Variants in RNF115 observed in about 807,000 individuals in gnomAD.
RNF115 encodes E3 ubiquitin-protein ligase RNF115.
A neutral mutation model predicts 39.2 loss-of-function variants in RNF115; 31 were observed. The ratio of observed to expected loss-of-function variants is 0.79; its 90% CI spans 0.59 to 1.07. The LOEUF (loss-of-function observed/expected upper bound fraction) is 1.07, where lower values mean the gene tolerates loss of function less well. RNF115 is among the 50% of genes least tolerant of loss of function. The pLI, the probability that RNF115 is intolerant of heterozygous loss-of-function variation, is 0.00. For synonymous variants in RNF115, 124 were observed against 131.0 expected (o/e 0.95, Z 0.37); for missense variants, 384 against 381.7 (o/e 1.01, Z -0.05).
chr1:145,780,424 T>C (rs1559117646), intron 3 of RNF115, among the ~76,000 whole-genome samples: 1 of 151,628 alleles, frequency 6.6e-6, no homozygotes, highest in Non-Finnish European at 1.5e-5. Flanking sequence ...ATCGAGACCA[T>C]CCTGGCTAAC....
intron 4 of RNF115, among the ~76,000 whole-genome samples, chr1:145,764,549 A>G (rs1230339406): frequency 1.4e-5 from 2 of 145,936 alleles, no homozygotes; most frequent in African/African-American, 2.6e-5. Context: ...AGAAGTGAGG[A>G]GCCCCTCCGC....
chr1:145,788,776 ACTCT>A lies in RNF115; in HGVS notation c.161+128_161+131del, dbSNP rs147795554. The stretch of plus-strand genomic sequence containing the variant: ...CTCTCTTGTGCAAGCTCATGCACTC[ACTCT>A]CTCTCTCTCACTCTCGCTCTCTCTG... On this transcript the variant is annotated intron_variant, in intron 2 of 8. Transcript: ENST00000582693. The A allele has an allele frequency of 3.4e-4, 250 of 746,010 alleles. No individual in the cohort carries two copies. In the East Asian group the frequency reaches 4.5e-3, roughly 13 times the overall value. The allele number at this position is 746,010 out of a possible 1,614,324, so 46.2% of individuals were successfully genotyped here.
Position 145,746,803 on chromosome 1 carries a change from G to T in RNF115, c.*63C>A. ...AATCCATCTACTAATTTTTTGTTTT[G>T]ATACAATTTACAGCTATGGTAAGAT... On this transcript the variant is annotated 3_prime_UTR_variant, in exon 9 of 9. Transcript: ENST00000582693. 2.0e-6 allele frequency: 3 copies of T among 1,528,460 alleles called. No individual in the cohort carries two copies. Among genetic ancestry groups the T allele is most frequent in the Admixed American group, 2.1e-5 (1 of 48,714 alleles). 94.7% of individuals were successfully genotyped at this position (1,528,460 alleles called of 1,614,324 possible).
At chr1:145,751,167 G>A (rs1553712422) in intron 6 of RNF115, among the ~76,000 whole-genome samples, 1 of 152,152 alleles carries the variant, frequency 6.6e-6, no homozygotes, top group Admixed American at 6.5e-5. Flanking sequence ...GAGCAAGAGA[G>A]ACAAAAATAC....
chr1:145,815,082 C>A (rs1649924228), intron 1 of RNF115, among the ~76,000 whole-genome samples: 1 of 152,296 alleles, frequency 6.6e-6, no homozygotes, highest in African/African-American at 2.4e-5. Flanking sequence ...TAAACGGTCA[C>A]AAAGTCTTTA....
Position 145,743,382 on chromosome 1 carries a change from G to C in RNF115, c.*3484C>G. 6.6e-6 allele frequency: 1 copy of C among 152,334 alleles called. No homozygotes were observed. The highest frequency in any genetic ancestry group is 1.9e-4 in the East Asian group (1 of 5,182). The allele number at this position is 152,334 out of a possible 1,614,324, so 9.4% of individuals were successfully genotyped here. A position where few individuals can be genotyped will look rare whatever the true frequency, so the allele number is the denominator to read the frequency against. The stretch of plus-strand genomic sequence containing the variant: ...CAGCTCTTCTAGGGTATCCAAGCTG[G>C]CCTTCAGACTGGAACTACACCATCA... On this transcript the variant is annotated 3_prime_UTR_variant, in exon 9 of 9. Transcript: ENST00000582693.
chr1:145,815,154 T>A (rs1649929393), intron 1 of RNF115, among the ~76,000 whole-genome samples: 1 of 152,306 alleles, frequency 6.6e-6, no homozygotes, highest in Admixed American at 6.5e-5. Flanking sequence ...GTATTAGAGT[T>A]ATTGCAAGTA....
chr1:145,801,478 T>C (rs184430572), intron 1 of RNF115, among the ~76,000 whole-genome samples: 16 of 152,140 alleles, frequency 1.1e-4, no homozygotes, highest in African/African-American at 3.6e-4. Context: ...GGCAGGAGAA[T>C]TGCTTGAACC....
At chr1:145,798,622 T>C (rs1410468872) in intron 1 of RNF115, among the ~76,000 whole-genome samples, 2 of 152,222 alleles carry the variant, frequency 1.3e-5, no homozygotes, top group Non-Finnish European at 2.9e-5. Flanking sequence ...GTTTTTCTTT[T>C]TGAAAACTGT....
At position 145,784,465 on chromosome 1, in the gene RNF115, G is replaced by A. The variant is rs191152609; in HGVS notation, c.219+74C>T. ...TAAACTCTGATGTTGTGCCACACTGGAAAGTTAGTATCTGCCATGATTTTA... is the reference window on the plus strand; with the variant it reads ...TAAACTCTGATGTTGTGCCACACTGAAAAGTTAGTATCTGCCATGATTTTA... On this transcript the variant is annotated intron_variant, in intron 3 of 8. Coordinates refer to ENST00000582693, the MANE Select transcript of RNF115 (RefSeq NM_014455.4). 24 of 1,303,646 alleles carry A rather than the reference G, an allele frequency of 1.8e-5. No homozygotes were observed. In the African/African-American group the frequency reaches 3.5e-4, roughly 19 times the overall value. The allele number at this position is 1,303,646 out of a possible 1,614,324, so 80.8% of individuals were successfully genotyped here.
chr1:145,786,392 C>G (rs1553718096), intron 2 of RNF115, among the ~76,000 whole-genome samples: 1 of 152,160 alleles, frequency 6.6e-6, no homozygotes, highest in East Asian at 1.9e-4. Flanking sequence ...AAATATCATA[C>G]TGCCTCTAAG....
At chr1:145,760,701 T>C (rs1658469212) in intron 4 of RNF115, among the ~76,000 whole-genome samples, 1 of 152,180 alleles carries the variant, frequency 6.6e-6, no homozygotes. Context: ...CTTGGGTATG[T>C]CTTTATCAGC....
rs1227202858 is a variant in RNF115 at position 145,743,153 on chromosome 1, T to C, written c.*3713A>G. 6.6e-6 allele frequency: 1 copy of C among 152,240 alleles called. No individual in the cohort carries two copies. The highest frequency in any genetic ancestry group is 6.5e-5 in the Admixed American group (1 of 15,290). 9.4% of individuals were successfully genotyped at this position (152,240 alleles called of 1,614,324 possible). A position where few individuals can be genotyped will look rare whatever the true frequency, so the allele number is the denominator to read the frequency against. ...CCAGATATTTGGTCATACAGTATTC[T>C]GGGTGTGTCTGTGAAGGTGTTTTTG... On this transcript the variant is annotated 3_prime_UTR_variant, in exon 9 of 9. Coordinates refer to ENST00000582693, the MANE Select transcript of RNF115 (RefSeq NM_014455.4).
Position 145,740,545 on chromosome 1 carries a change from A to T in RNF115, c.*6321T>A, listed in dbSNP as rs1657658698. ...CAAATAAGCCTACAAATTTTCATGCATAATAGGTGGTTTTCTGGACACGCA... is the reference window on the plus strand; with the variant it reads ...CAAATAAGCCTACAAATTTTCATGCTTAATAGGTGGTTTTCTGGACACGCA... On this transcript the variant is annotated 3_prime_UTR_variant, in exon 9 of 9. Transcript: ENST00000582693. 1 of 152,300 alleles carries T rather than the reference A, an allele frequency of 6.6e-6. No homozygotes were observed. Among genetic ancestry groups the T allele is most frequent in the African/African-American group, 2.4e-5 (1 of 41,478 alleles). 9.4% of individuals were successfully genotyped at this position (152,300 alleles called of 1,614,324 possible). A position where few individuals can be genotyped will look rare whatever the true frequency, so the allele number is the denominator to read the frequency against.
In RNF115 at chr1:145,781,097, C is replaced by A. The variant is rs12038541; in HGVS notation, c.219+3442G>T. Among the ~76,000 whole-genome samples the A allele has an allele frequency of 2.6e-5, 4 of 152,246 alleles. No individual in the cohort carries two copies. The East Asian group carries it at 7.7e-4, about 29-fold the overall frequency. ...AACACTGCTCCCATGTAACTGGCAA[C>A]CCTCCCCTACCTTCTCTCTATCCCA... On this transcript the variant is annotated intron_variant, in intron 3 of 8. Coordinates refer to ENST00000582693, the MANE Select transcript of RNF115 (RefSeq NM_014455.4).
rs188544465 is a variant in RNF115, at chr1:145,767,544, A to T, written c.428+4167T>A. ...TCCCAGACGATGGGCGGCCAGGCAG[A>T]GACGCTCCTCACTTCCCAGAAGGGG... On this transcript the variant is annotated intron_variant, in intron 4 of 8. Transcript: ENST00000582693. 2.5e-3 allele frequency among the ~76,000 whole-genome samples: 383 copies of T among 152,284 alleles called. 5 individuals are homozygous for T. The highest frequency in any genetic ancestry group is 0.022 in the Admixed American group (337 of 15,300).
intron 4 of RNF115, among the ~76,000 whole-genome samples, chr1:145,766,965 G>C (rs1398703859): frequency 1.5e-5 from 2 of 135,384 alleles, no homozygotes; most frequent in Non-Finnish European, 3.1e-5. Flanking sequence ...CCTCCCTCCC[G>C]GTCGGGGTGG....
chr1:145,797,403 C>T (rs1290079828), intron 1 of RNF115, among the ~76,000 whole-genome samples: 1 of 152,194 alleles, frequency 6.6e-6, no homozygotes, highest in Non-Finnish European at 1.5e-5. Context: ...TAAGTGAAAG[C>T]ATACAGTATT....
Position 145,752,976 on chromosome 1 carries a change from AC to A in RNF115, c.500+1del. On this transcript the variant is annotated splice_donor_variant, in intron 5 of 8. Transcript: ENST00000582693. LOFTEE classifies it high-confidence loss of function. ...TAAGATAGAAAACAATTAGTTACTTACCAGGAAAAAGGGTGTGGAGATCCAG... is the reference window on the plus strand; with the variant it reads ...TAAGATAGAAAACAATTAGTTACTTACAGGAAAAAGGGTGTGGAGATCCAG... 1 of 1,585,310 alleles carries A rather than the reference AC, an allele frequency of 6.3e-7. No individual in the cohort carries two copies. The highest frequency in any genetic ancestry group is 8.7e-7 in the Non-Finnish European group (1 of 1,154,148).
Sources: gnomAD v4.1 joint callset for allele counts (sites outside exome capture counted in the v4.1 genomes callset) on GRCh38, gnomAD v4.1.1 for gene constraint, MANE v1.5 for transcripts, NCBI Gene and HGNC (gene_info 2026-07-23, HGNC 2026-07-21) for gene names.